The following ST6GAL1 variants were observed in gnomAD, a reference collection of about 807,000 sequenced individuals.
ST6GAL1 encodes beta-galactoside alpha-2,6-sialyltransferase 1.
In ST6GAL1, 20 loss-of-function variants were observed where a neutral mutation model predicts 38.0. That is an observed-to-expected ratio of 0.53 (90% CI 0.37 to 0.77). The LOEUF (loss-of-function observed/expected upper bound fraction) is 0.77. Ranked by LOEUF, ST6GAL1 falls within the 30% of genes least tolerant of loss-of-function variation. The pLI is 0.00. For missense variants in ST6GAL1, 432 were observed against 496.4 expected, an observed-to-expected ratio of 0.87 and a Z score of 1.23; for synonymous variants, 196 against 188.2, an observed-to-expected ratio of 1.04 and a Z score of -0.34.
intron 2 of ST6GAL1, among the ~76,000 whole-genome samples, chr3:186,974,236 G>A (rs6806125): frequency 1.3e-5 from 2 of 151,970 alleles, no homozygotes; most frequent in East Asian, 1.9e-4. Flanking sequence ...CCCTCACCCC[G>A]CCTCCAACAG....
intron 2 of ST6GAL1, among the ~76,000 whole-genome samples, chr3:186,997,960 A>G (rs1350178504): frequency 6.6e-6 from 1 of 152,040 alleles, no homozygotes; most frequent in Admixed American, 6.6e-5. Flanking sequence ...AAAAAAGCAA[A>G]AAGAGGCCGG....
chr3:187,074,316 C>G lies in ST6GAL1; in HGVS notation c.962C>G (p.Pro321Arg). The G allele has an allele frequency of 6.3e-7, 1 of 1,593,606 alleles. No homozygotes were observed. Among genetic ancestry groups the G allele is most frequent in the Non-Finnish European group, 8.5e-7 (1 of 1,171,378 alleles). ...ISPEEIQPNP[P>R]SSGMLGIIIM... ...CCAGAAGAGATTCAGCCAAACCCCC[C>G]ATCCTCTGGGATGCTTGGTGAGTTC... Residue 321 changes from proline (P) to arginine (R), a missense_variant, in exon 7 of 8, where the codon CCA (proline) becomes CGA (arginine). Pro to Arg is a moderately radical substitution (Grantham distance 103, BLOSUM62 -2). Transcript: ENST00000169298.
At chr3:186,957,165 G>A (rs1427873991) in intron 1 of ST6GAL1, among the ~76,000 whole-genome samples, 4 of 152,232 alleles carry the variant, frequency 2.6e-5, no homozygotes, top group African/African-American at 9.6e-5. Flanking sequence ...AAAATGTGCT[G>A]GGCGCGGTGG....
chr3:187,017,929 G>A (rs1230433225), intron 2 of ST6GAL1, among the ~76,000 whole-genome samples: 4 of 152,212 alleles, frequency 2.6e-5, no homozygotes, highest in Non-Finnish European at 4.4e-5. Context: ...TAGGATTTCA[G>A]AGGAAATCCT....
At chr3:187,012,292 C>T in intron 2 of ST6GAL1, among the ~76,000 whole-genome samples, 1 of 151,348 alleles carries the variant, frequency 6.6e-6, no homozygotes, top group Non-Finnish European at 1.5e-5. Flanking sequence ...GGGTCCTGCT[C>T]TGTCTCCCAG....
intron 5 of ST6GAL1, among the ~76,000 whole-genome samples, chr3:187,066,098 G>A (rs1300851738): frequency 6.6e-6 from 1 of 152,206 alleles, no homozygotes; most frequent in Admixed American, 6.5e-5. Flanking sequence ...AGGTGGGCGA[G>A]ATTTCCATCA....
intron 1 of ST6GAL1, among the ~76,000 whole-genome samples, chr3:186,939,064 G>A (rs1040047232): frequency 7.7e-6 from 1 of 130,704 alleles, no homozygotes; most frequent in East Asian, 2.1e-4. Context: ...AGTCAACCTG[G>A]GACCTTTTTT....
chr3:186,988,740 C>A (rs1716045130), intron 2 of ST6GAL1, among the ~76,000 whole-genome samples: 1 of 152,032 alleles, frequency 6.6e-6, no homozygotes, highest in African/African-American at 2.4e-5. Context: ...ATAGTGAAAT[C>A]CCATCTCTAC....
At chr3:186,981,760 A>G (rs1340064743) in intron 2 of ST6GAL1, among the ~76,000 whole-genome samples, 1 of 152,222 alleles carries the variant, frequency 6.6e-6, no homozygotes, top group African/African-American at 2.4e-5. Flanking sequence ...ACCTATTTCC[A>G]ACCTCAGCTT....
chr3:186,939,036 G>A (rs954316892), intron 1 of ST6GAL1, among the ~76,000 whole-genome samples: 2 of 123,654 alleles, frequency 1.6e-5, no homozygotes, highest in Non-Finnish European at 3.7e-5. Flanking sequence ...AGGATTGGGA[G>A]TGAGGAGAGA....
At chr3:187,004,220 G>T (rs911830874) in intron 2 of ST6GAL1, among the ~76,000 whole-genome samples, 5 of 152,262 alleles carry the variant, frequency 3.3e-5, no homozygotes, top group Non-Finnish European at 5.9e-5. Context: ...CAAGTGAGCA[G>T]ATGCTGGCAC....
In ST6GAL1 at chr3:187,051,331, C is replaced by T; in HGVS notation, c.690C>T (p.Arg230=). The T allele has an allele frequency of 6.2e-7, 1 of 1,614,084 alleles. No homozygotes were observed. The highest frequency in any genetic ancestry group is 8.5e-7 in the Non-Finnish European group (1 of 1,179,970). ...ATGTGGGCACAAAAACTACCATTCG[C>T]CTGATGAACTCTCAGGTAAAATTTC... The part of the protein sequence containing the change: ...QQDVGTKTTI[R]LMNSQLVTTE... Residue 230 remains arginine, a synonymous_variant, in exon 5 of 8, where the codon CGC becomes CGT. Transcript: ENST00000169298.
At chr3:186,999,991 T>C (rs1003068726) in intron 2 of ST6GAL1, among the ~76,000 whole-genome samples, 1 of 152,064 alleles carries the variant, frequency 6.6e-6, no homozygotes, top group African/African-American at 2.4e-5. Context: ...GCGTGCACTA[T>C]CACACTGAGC....
At chr3:186,965,550 T>A (rs769095280) in intron 2 of ST6GAL1, among the ~76,000 whole-genome samples, 17 of 152,150 alleles carry the variant, frequency 1.1e-4, no homozygotes, top group Non-Finnish European at 2.2e-4. Flanking sequence ...ATAAAGGTGG[T>A]AAGGTCTACA....
intron 4 of ST6GAL1, among the ~76,000 whole-genome samples, chr3:187,044,387 AC>A (rs1718227717): frequency 6.6e-6 from 1 of 152,122 alleles, no homozygotes; most frequent in Non-Finnish European, 1.5e-5. Context: ...ATGGTCTGAA[AC>A]CCAGCACAGG....
intron 6 of ST6GAL1, among the ~76,000 whole-genome samples, 197 bp downstream of exon 6, chr3:187,073,144 G>A (rs568784575): frequency 1.9e-4 from 29 of 152,264 alleles, no homozygotes; most frequent in South Asian, 1.5e-3. Flanking sequence ...TCTCTTTGCC[G>A]TGCCAGCACT....
At chr3:186,973,545 G>T (rs907600786) in intron 2 of ST6GAL1, among the ~76,000 whole-genome samples, 9 of 152,212 alleles carry the variant, frequency 5.9e-5, no homozygotes, top group African/African-American at 2.2e-4. Context: ...TTGCCCATCA[G>T]GGGTGTCTGG....
chr3:187,044,329 A>G (rs2108581516), intron 4 of ST6GAL1, among the ~76,000 whole-genome samples: 1 of 152,292 alleles, frequency 6.6e-6, no homozygotes, highest in Admixed American at 6.5e-5. Context: ...GGAGCAGGTG[A>G]GGTCATACGT....
intron 1 of ST6GAL1, among the ~76,000 whole-genome samples, chr3:186,951,356 C>T (rs1037394929): frequency 2.0e-5 from 3 of 152,198 alleles, no homozygotes; most frequent in Admixed American, 1.3e-4. Flanking sequence ...TGCGCCAGGC[C>T]GTAATTCTTG....
Sources: gnomAD v4.1 joint callset for allele counts (sites outside exome capture counted in the v4.1 genomes callset) on GRCh38, gnomAD v4.1.1 for gene constraint, MANE v1.5 for transcripts, NCBI Gene and HGNC (gene_info 2026-07-23, HGNC 2026-07-21) for gene names.